ACSF3: variants seen among roughly 807,000 people sequenced by gnomAD.
ACSF3 encodes the protein malonate--CoA ligase ACSF3, mitochondrial.
Under a neutral mutation model 53.2 loss-of-function variants are expected in ACSF3, and 78 were observed. The observed-to-expected ratio is 1.47, with a 90% CI of 1.22 to 1.77. The LOEUF (loss-of-function observed/expected upper bound fraction) is 1.77, where lower values mean the gene tolerates loss of function less well. ACSF3 is among the 40% of genes most tolerant of loss of function. The pLI, the probability that ACSF3 is intolerant of heterozygous loss-of-function variation, is 0.00. For missense variants in ACSF3, 937 were observed against 771.1 expected (o/e 1.22, Z -2.55); for synonymous variants, 414 against 333.1 (o/e 1.24, Z -2.65).
At chr16:89,098,519 G>A (rs765755113) in intron 1 of ACSF3, 72 bp from the exon 2 acceptor site, 40 of 385,176 alleles carry the variant, frequency 1.0e-4, no homozygotes, top group Non-Finnish European at 1.6e-4. Context: ...CCCCCATTGA[G>A]TGTTGAGTGT....
At chr16:89,151,133 A>T (rs1432285697) in intron 10 of ACSF3, 1 of 936,404 alleles carries the variant, frequency 1.1e-6, no homozygotes. Context: ...GGATGGCGGC[A>T]CGGAGGGCTG....
chr16:89,135,797 C>T (rs1183947117), intron 8 of ACSF3, among the ~76,000 whole-genome samples: 4 of 152,248 alleles, frequency 2.6e-5, no homozygotes, highest in Admixed American at 6.5e-5. Context: ...ATTTTTGAGA[C>T]GGAGTCTCGC....
chr16:89,138,693 G>A (rs1038428672), intron 8 of ACSF3, among the ~76,000 whole-genome samples: 4 of 152,186 alleles, frequency 2.6e-5, no homozygotes, highest in Admixed American at 2.0e-4. Flanking sequence ...CAGGTGCCAA[G>A]CTGACTGATG....
At chr16:89,112,045 C>G (rs1373564958) in intron 4 of ACSF3, 47 bp from the exon 5 acceptor site, 5 of 264,122 alleles carry the variant, frequency 1.9e-5, no homozygotes, top group Non-Finnish European at 3.2e-5. Flanking sequence ...CGCCACGGGC[C>G]CCAGTGCCTG....
chr16:89,122,319 G>A (rs1906852862), intron 7 of ACSF3: 1 of 362,276 alleles, frequency 2.8e-6, no homozygotes, highest in Non-Finnish European at 5.7e-6. Context: ...GCAACTTGCT[G>A]AAACCCACCT....
At position 89,154,148 on chromosome 16, in the gene ACSF3, C is replaced by G. The variant is rs141090143; in HGVS notation, c.1672C>G (p.Arg558Gly). The G allele has an allele frequency of 6.2e-7, 1 of 1,613,420 alleles. No individual in the cohort carries two copies. The highest frequency in any genetic ancestry group is 1.1e-5 in the South Asian group (1 of 90,846). The change falls in exon 11 of 11, where the codon CGG (arginine) becomes GGG (glycine). Residue 558 changes from arginine to glycine, a missense_variant. By Grantham distance (125) the Arg-to-Gly change is moderately radical (BLOSUM62 -2). Coordinates refer to ENST00000614302, the MANE Select transcript of ACSF3 (RefSeq NM_001243279.3). ...GCTGGTGCTGGTGGAGGAGATCCCG[C>G]GGAACCAGATGGGCAAGATTGACAA... The part of the protein sequence containing the change: ...SELVLVEEIP[R>G]NQMGKIDKKA...
chr16:89,112,568 C>T (rs1473943101), intron 5 of ACSF3, among the ~76,000 whole-genome samples: 1 of 152,072 alleles, frequency 6.6e-6, no homozygotes, highest in Non-Finnish European at 1.5e-5. Context: ...TATCTGTCTT[C>T]TCTGTCTCTC....
chr16:89,142,386 G>C (rs2151552432), intron 8 of ACSF3, among the ~76,000 whole-genome samples: 1 of 152,320 alleles, frequency 6.6e-6, no homozygotes, highest in South Asian at 2.1e-4. Context: ...CAGAGCCAGA[G>C]AGGATGGGCA....
At chr16:89,132,876 C>G (rs375375585) in intron 7 of ACSF3, among the ~76,000 whole-genome samples, 2 of 152,268 alleles carry the variant, frequency 1.3e-5, no homozygotes, top group African/African-American at 2.4e-5. Context: ...TGTGGCTGTT[C>G]TGGGAGGAAT....
At chr16:89,125,343 CA>C (rs139116506) in intron 7 of ACSF3, among the ~76,000 whole-genome samples, 36 of 140,870 alleles carry the variant, frequency 2.6e-4, no homozygotes, top group East Asian at 2.2e-3. Flanking sequence ...AACTCTGTCT[CA>C]AAAAAAAAAA....
At chr16:89,133,973 A>T (rs1909880296) in intron 8 of ACSF3, among the ~76,000 whole-genome samples, 1 of 150,842 alleles carries the variant, frequency 6.6e-6, no homozygotes, top group South Asian at 2.1e-4. Context: ...CTGCTGCCTG[A>T]CCCCCCTCCT....
Position 89,100,959 on chromosome 16 carries a change from T to C in ACSF3, c.278T>C (p.Leu93Pro), listed in dbSNP as rs143605434. 6.2e-7 allele frequency: 1 copy of C among 1,613,576 alleles called. No homozygotes were observed. The highest frequency in any genetic ancestry group is 2.2e-5 in the East Asian group (1 of 44,882). The change falls in exon 3 of 11, where the codon CTC (leucine) becomes CCC (proline). Residue 93 changes from leucine to proline, a missense_variant. Leu to Pro is a moderately conservative substitution (Grantham distance 98, BLOSUM62 -3). Coordinates refer to ENST00000614302, the MANE Select transcript of ACSF3 (RefSeq NM_001243279.3). ...CTCTGCGGGTGTGTCGGCGGGGACC[T>C]CCGGGAGGAGAGGGTCTCCTTCCTA... ...CRLCGCVGGD[L>P]REERVSFLCA...
Position 89,140,181 on chromosome 16 carries a change from G to A in ACSF3, c.1367-5086G>A, listed in dbSNP as rs1295935614. Among the ~76,000 whole-genome samples the A allele has an allele frequency of 5.9e-5, 9 of 152,354 alleles. No individual in the cohort carries two copies. In the Middle Eastern group the frequency reaches 0.01, roughly 173 times the overall value. On this transcript the variant is annotated intron_variant, in intron 8 of 10. Coordinates refer to ENST00000614302, the MANE Select transcript of ACSF3 (RefSeq NM_001243279.3). ...TCCAGCACCTTCCCTCCTGCTGGGC[G>A]GTGGCCTGTGCCTGGCCGCAATGGA...
rs1914513934 is a variant in ACSF3, at chr16:89,154,575, A to G, written c.*368A>G. The G allele has an allele frequency of 2.2e-6, 1 of 447,862 alleles. No homozygotes were observed. Among genetic ancestry groups the G allele is most frequent in the African/African-American group, 2.2e-5 (1 of 46,252 alleles). The allele number at this position is 447,862 out of a possible 1,614,324, so 27.7% of individuals were successfully genotyped here. A position where few individuals can be genotyped will look rare whatever the true frequency, so the allele number is the denominator to read the frequency against. On this transcript the variant is annotated 3_prime_UTR_variant, in exon 11 of 11. Coordinates refer to ENST00000614302, the MANE Select transcript of ACSF3 (RefSeq NM_001243279.3). ...GTTTCCCACAAAAAACAAAGACTCC[A>G]CTGGAGGAAACAAGCCCCTGTCCCA... is the stretch of plus-strand genomic sequence containing the variant.
At chr16:89,114,643 A>G (rs1361104451) in intron 6 of ACSF3, 156 bp downstream of exon 6, 2 of 1,070,760 alleles carry the variant, frequency 1.9e-6, no homozygotes, top group East Asian at 2.6e-5. Context: ...CTCAGGATGC[A>G]CTGCGACCTG....
chr16:89,124,767 T>G (rs1203511085), intron 7 of ACSF3, among the ~76,000 whole-genome samples: 3 of 141,724 alleles, frequency 2.1e-5, no homozygotes, highest in Non-Finnish European at 4.7e-5. Flanking sequence ...CATGTGTATG[T>G]GACACCTGTG....
chr16:89,100,492 A>T, intron 2 of ACSF3, 170 bp from the exon 3 acceptor site: 1 of 660,800 alleles, frequency 1.5e-6, no homozygotes, highest in Admixed American at 2.9e-5. Flanking sequence ...GGAACGTTCC[A>T]GCAGTGTGGG....
In ACSF3 at chr16:89,145,991, G is replaced by T; in HGVS notation, c.1555G>T (p.Val519Leu). 6.2e-7 allele frequency: 1 copy of T among 1,613,876 alleles called. No individual in the cohort carries two copies. Among genetic ancestry groups the T allele is most frequent in the Non-Finnish European group, 8.5e-7 (1 of 1,179,894 alleles). ...DMTWGQRVTA[V>L]VTLREGHSLS... ...GACATGGGGCCAGCGGGTCACTGCT[G>T]TGGTGACCCTCCGAGAAGGACACTC... Residue 519 changes from valine to leucine, a missense_variant, in exon 10 of 11, where the codon GTG becomes TTG. By Grantham distance (32) the Val-to-Leu change is conservative. Transcript: ENST00000614302.
chr16:89,107,552 T>C (rs1260836877), intron 4 of ACSF3, among the ~76,000 whole-genome samples: 1 of 152,254 alleles, frequency 6.6e-6, no homozygotes, highest in African/African-American at 2.4e-5. Context: ...AAATGCAGTT[T>C]GTTCTTTTTA....
Sources: allele counts gnomAD v4.1 joint callset (sites outside exome capture counted in the v4.1 genomes callset), GRCh38; gene constraint gnomAD v4.1.1; transcripts MANE v1.5; gene names NCBI Gene and HGNC (gene_info 2026-07-23, HGNC 2026-07-21).